Variants in SPEG observed in about 807,000 individuals in gnomAD.
SPEG encodes the protein striated muscle enriched protein kinase.
A neutral mutation model predicts 300.4 loss-of-function variants in SPEG; 114 were observed. That is an observed-to-expected ratio of 0.38 (90% CI 0.33 to 0.44). The LOEUF is 0.44. SPEG is among the 20% of genes least tolerant of loss of function. SPEG has a pLI of 1.00. For synonymous variants in SPEG, 1,964 were observed against 2,018.9 expected, an observed-to-expected ratio of 0.97 and a Z score of 0.73; for missense variants, 4,201 against 4,586.2, an observed-to-expected ratio of 0.92 and a Z score of 2.43.
Position 219,477,841 on chromosome 2 carries a change from G to T in SPEG, c.4826+56G>T. On this transcript the variant is annotated intron_variant, in intron 21 of 40. Coordinates refer to ENST00000312358, the MANE Select transcript of SPEG (RefSeq NM_005876.5). The surrounding 1 kb of genome is among the most constrained non-coding windows in gnomAD (Gnocchi z 6.4). Reference sequence around the variant, plus strand: ...CCGAGAGAGGCTGCTGGGTCTGAGGGTTGGGAGGGGTGGAGAGGGCCACAG... The same window carrying T: ...CCGAGAGAGGCTGCTGGGTCTGAGGTTTGGGAGGGGTGGAGAGGGCCACAG... The T allele has an allele frequency of 6.3e-7, 1 of 1,598,040 alleles. No individual in the cohort carries two copies. Among genetic ancestry groups the T allele is most frequent in the Non-Finnish European group, 8.6e-7 (1 of 1,168,050 alleles).
chr2:219,485,224 G>A (rs1693280336), intron 30 of SPEG, 122 bp from the exon 31 acceptor site: 5 of 1,493,128 alleles, frequency 3.3e-6, no homozygotes, highest in Non-Finnish European at 4.5e-6. Flanking sequence ...GAGGAAAGCA[G>A]GAATGGCGGC....
chr2:219,490,374 T>C (rs767876295), intron 36 of SPEG, 35 bp from the exon 37 acceptor site: 2 of 1,595,772 alleles, frequency 1.3e-6, no homozygotes, highest in Non-Finnish European at 8.5e-7. Context: ...CCTCCTCTCC[T>C]CTGAGCCGGT....
chr2:219,466,002 C>T lies in SPEG; in HGVS notation c.2882-1172C>T, dbSNP rs1567488. 754,389 of 1,498,672 alleles carry T rather than the reference C, an allele frequency of 0.5. 196,436 individuals carry two copies. The highest frequency in any genetic ancestry group is 0.63 in the East Asian group (27,845 of 44,048). The allele number at this position is 1,498,672 out of a possible 1,614,324, so 92.8% of individuals were successfully genotyped here. A position where few individuals can be genotyped will look rare whatever the true frequency, so the allele number is the denominator to read the frequency against. ...GCATGTGTGTGTGTGCGCGTGCGTG[C>T]GCGTATGCTGCACTAACCTGCCGCT... is the stretch of plus-strand genomic sequence containing the variant. On this transcript the variant is annotated intron_variant, in intron 9 of 40. Transcript: ENST00000312358.
At chr2:219,482,598 T>C (rs1188989225) in intron 28 of SPEG, among the ~76,000 whole-genome samples, 186 bp from the exon 29 acceptor site, 1 of 152,092 alleles carries the variant, frequency 6.6e-6, no homozygotes. Context: ...TCTTTAGGTG[T>C]GCATCTTGGC....
intron 18 of SPEG, among the ~76,000 whole-genome samples, chr2:219,475,707 C>A (rs1692274544): frequency 6.6e-6 from 1 of 152,206 alleles, no homozygotes; most frequent in Non-Finnish European, 1.5e-5. Context: ...CCTGAGAGCC[C>A]TGCAGCACAG....
At position 219,481,974 on chromosome 2, in the gene SPEG, G is replaced by A; in HGVS notation, c.5565+294G>A. 1 of 547,938 alleles carries A rather than the reference G, an allele frequency of 1.8e-6. No homozygotes were observed. Among genetic ancestry groups the A allele is most frequent in the Non-Finnish European group, 3.3e-6 (1 of 304,238 alleles). 33.9% of individuals were successfully genotyped at this position (547,938 alleles called of 1,614,324 possible). A position where few individuals can be genotyped will look rare whatever the true frequency, so the allele number is the denominator to read the frequency against. On this transcript the variant is annotated intron_variant, in intron 28 of 40. Coordinates refer to ENST00000312358, the MANE Select transcript of SPEG (RefSeq NM_005876.5). The surrounding 1 kb of genome is among the most constrained non-coding windows in gnomAD (Gnocchi z 5.4). ...CTCAGTGGAGTTCTCCCCCATGCTTGAGACCAGACCCTGGTCTTCCTGACT... is the reference window on the plus strand; with the variant it reads ...CTCAGTGGAGTTCTCCCCCATGCTTAAGACCAGACCCTGGTCTTCCTGACT...
chr2:219,454,955 G>A lies in SPEG; in HGVS notation c.2440+3148G>A, dbSNP rs1027568017. 4.6e-5 allele frequency among the ~76,000 whole-genome samples: 7 copies of A among 152,324 alleles called. No individual in the cohort carries two copies. The East Asian group carries it at 9.6e-4, about 21-fold the overall frequency. On this transcript the variant is annotated intron_variant, in intron 6 of 40. Coordinates refer to ENST00000312358, the MANE Select transcript of SPEG (RefSeq NM_005876.5). ...CTAAAAATACAAAAATTAGCCAGGCGTGGTGGCATATGCCTATAATCCCAG... is the reference window on the plus strand; with the variant it reads ...CTAAAAATACAAAAATTAGCCAGGCATGGTGGCATATGCCTATAATCCCAG...
chr2:219,442,655 C>G lies in SPEG; in HGVS notation c.389-1998C>G, dbSNP rs557615091. On this transcript the variant is annotated intron_variant, in intron 1 of 40. Transcript: ENST00000312358. The stretch of plus-strand genomic sequence containing the variant: ...ACCTACCCAGGTTTCTGTCCTCCCC[C>G]CAGCAGGAATCTGTGCCCTCGTTCC... Among the ~76,000 whole-genome samples the G allele has an allele frequency of 1.9e-4, 28 of 145,544 alleles. No individual in the cohort carries two copies. The East Asian group carries it at 3.7e-3, about 19-fold the overall frequency.
At chr2:219,442,008 G>A in intron 1 of SPEG, 1 of 510,728 alleles carries the variant, frequency 2.0e-6, no homozygotes, top group Non-Finnish European at 2.9e-6. Flanking sequence ...GCCCCCGCCC[G>A]TCCCCTCCTC....
rs1171679616 is a variant in SPEG, at chr2:219,480,506, C to T, written c.5343-165C>T. On this transcript the variant is annotated intron_variant, in intron 25 of 40. Coordinates refer to ENST00000312358, the MANE Select transcript of SPEG (RefSeq NM_005876.5). This position sits in a 1 kb window ranked among gnomAD's most constrained non-coding sequence, Gnocchi z 5.3. ...CTGGACTTCTCCAGGCATATCTGGA[C>T]CTGTAGGTTCAGGGTCCTCCCTGAA... 1.3e-5 allele frequency among the ~76,000 whole-genome samples: 2 copies of T among 152,122 alleles called. No homozygotes were observed. The highest frequency in any genetic ancestry group is 2.9e-5 in the Non-Finnish European group (2 of 67,994).
At position 219,490,731 on chromosome 2, in the gene SPEG, AG is replaced by A; in HGVS notation, c.9162del. The A allele has an allele frequency of 2.5e-6, 4 of 1,613,946 alleles. No homozygotes were observed. The highest frequency in any genetic ancestry group is 3.4e-6 in the Non-Finnish European group (4 of 1,179,890). On this transcript the variant is annotated splice_acceptor_variant, in intron 37 of 40. Transcript: ENST00000312358. LOFTEE classifies it high-confidence loss of function. The stretch of plus-strand genomic sequence containing the variant: ...TCATCTGCTCCATCCCTGCCCTCCC[AG>A]GTTCCGGTATTCTGAGGATGACGTG...
Position 219,435,114 on chromosome 2 carries a change from T to C in SPEG, c.137T>C (p.Leu46Pro), listed in dbSNP as rs1954679355. ...PVAVAGAPVF[L>P]RPLKNAAVCA... ...GCCGTGGCCGGGGCGCCAGTCTTCCTGCGGCCCCTGAAGAACGCGGCGGTG... is the reference window on the plus strand; with the variant it reads ...GCCGTGGCCGGGGCGCCAGTCTTCCCGCGGCCCCTGAAGAACGCGGCGGTG... Residue 46 changes from leucine to proline, a missense_variant, in exon 1 of 41, where the codon CTG becomes CCG. Physicochemically the swap from Leu to Pro is moderately conservative, Grantham distance 98. Coordinates refer to ENST00000312358, the MANE Select transcript of SPEG (RefSeq NM_005876.5). 1.4e-6 allele frequency: 2 copies of C among 1,455,194 alleles called. No individual in the cohort carries two copies. Among genetic ancestry groups the C allele is most frequent in the African/African-American group, 1.5e-5 (1 of 67,132 alleles). 90.1% of individuals were successfully genotyped at this position (1,455,194 alleles called of 1,614,324 possible). A position where few individuals can be genotyped will look rare whatever the true frequency, so the allele number is the denominator to read the frequency against.
At chr2:219,470,901 C>T (rs1691814788) in intron 13 of SPEG, among the ~76,000 whole-genome samples, 1 of 152,188 alleles carries the variant, frequency 6.6e-6, no homozygotes, top group African/African-American at 2.4e-5. Flanking sequence ...ATAGGCTGGG[C>T]ACAGAGCAGG....
rs751409154 is a variant in SPEG, at chr2:219,444,734, C to A, written c.470C>A (p.Thr157Asn). Residue 157 changes from threonine to asparagine, a missense_variant, in exon 2 of 41, where the codon ACC becomes AAC. By Grantham distance (65) the Thr-to-Asn change is moderately conservative. Transcript: ENST00000312358. This position sits in a 1 kb window ranked among gnomAD's most constrained non-coding sequence, Gnocchi z 7.8. Reference protein sequence around the residue: ...LELRDDGAFSTPTGGSDTLVG... With the variant: ...LELRDDGAFSNPTGGSDTLVG... The stretch of plus-strand genomic sequence containing the variant: ...CTTCGGGATGACGGGGCCTTCAGCA[C>A]CCCCACGGGTGAGCTCCTGGGGTGT... 1.2e-6 allele frequency: 2 copies of A among 1,613,908 alleles called. No homozygotes were observed. The highest frequency in any genetic ancestry group is 1.1e-5 in the South Asian group (1 of 91,080).
chr2:219,452,478 C>T (rs569943140), intron 6 of SPEG, among the ~76,000 whole-genome samples: 3 of 152,164 alleles, frequency 2.0e-5, no homozygotes, highest in East Asian at 1.9e-4. Flanking sequence ...ATTCAGCTTG[C>T]GGGGCCTGAC....
chr2:219,465,866 TGC>T, intron 9 of SPEG: 1 of 619,512 alleles, frequency 1.6e-6, no homozygotes, highest in Admixed American at 2.4e-5. Context: ...TGCATGTGTG[TGC>T]GTGTGTGCGT....
At chr2:219,471,831 G>A (rs750690563) in intron 13 of SPEG, 37 bp from the exon 14 acceptor site, 16 of 1,612,484 alleles carry the variant, frequency 9.9e-6, no homozygotes, top group African/African-American at 6.7e-5. Context: ...GGTATCCTCC[G>A]GGCTCAGGCC....
At position 219,451,273 on chromosome 2, in the gene SPEG, C is replaced by T. The variant is rs376130056; in HGVS notation, c.2251C>T (p.Pro751Ser). Residue 751 changes from proline to serine, a missense_variant, in exon 5 of 41, where the codon CCC (proline) becomes TCC (serine). This residue lies in a region of SPEG where 1,258 missense variants were observed against 1,293.9 expected (regional missense o/e 0.97). Transcript: ENST00000312358. This position sits in a 1 kb window ranked among gnomAD's most constrained non-coding sequence, Gnocchi z 6.4. Reference protein sequence around the residue: ...LKCIITANPPPQVSWHKDGSA... With the variant: ...LKCIITANPPSQVSWHKDGSA... Reference sequence around the variant, plus strand: ...GTGTATCATCACTGCCAACCCCCCGCCCCAAGGTGAGCTCCAGCACTGGGC... The same window carrying T: ...GTGTATCATCACTGCCAACCCCCCGTCCCAAGGTGAGCTCCAGCACTGGGC... 1.2e-5 allele frequency: 20 copies of T among 1,607,502 alleles called. No homozygotes were observed. The highest frequency in any genetic ancestry group is 1.7e-5 in the Non-Finnish European group (20 of 1,177,252).
intron 6 of SPEG, among the ~76,000 whole-genome samples, chr2:219,453,623 C>T (rs1035383724): frequency 2.6e-5 from 4 of 152,230 alleles, no homozygotes; most frequent in African/African-American, 4.8e-5. Flanking sequence ...CATCTCGGCA[C>T]CTCTGCCCTG....
Sources: gnomAD v4.1 joint callset for allele counts (sites outside exome capture counted in the v4.1 genomes callset) on GRCh38, gnomAD v4.1.1 for gene constraint, gnomAD v4.1.1 regional missense constraint, Gnocchi (gnomAD v3.1) non-coding constraint, MANE v1.5 for transcripts, NCBI Gene and HGNC (gene_info 2026-07-23, HGNC 2026-07-21) for gene names.